Variants in ZDHHC16 observed in about 807,000 individuals in gnomAD.
The protein encoded by ZDHHC16 is palmitoyltransferase ZDHHC16.
ZDHHC16 carries 33 observed loss-of-function variants against 54.4 expected under a neutral mutation model. The observed-to-expected ratio is 0.61, with a 90% CI of 0.46 to 0.81. The LOEUF (loss-of-function observed/expected upper bound fraction) is 0.81, where lower values mean the gene tolerates loss of function less well. Ranked by LOEUF, ZDHHC16 falls within the 30% of genes least tolerant of loss-of-function variation. The probability of loss-of-function intolerance (pLI) is 0.00; values close to 1 mark genes in which losing one functional copy is unlikely to be tolerated. For missense variants in ZDHHC16, 420 were observed against 485.9 expected, an observed-to-expected ratio of 0.86 and a Z score of 1.28; for synonymous variants, 185 against 182.1, an observed-to-expected ratio of 1.02 and a Z score of -0.13.
Position 97,451,766 on chromosome 10 carries a change from C to G in ZDHHC16, c.91C>G (p.Leu31Val), listed in dbSNP as rs1248366028. The G allele has an allele frequency of 1.9e-6, 3 of 1,614,014 alleles. No individual in the cohort carries two copies. The highest frequency in any genetic ancestry group is 2.5e-6 in the Non-Finnish European group (3 of 1,180,050). ...GGGTTACAGGCGCCGCTGTCCACCTCTACTCCGGGGTCTAGTACAGCGCTG... is the reference window on the plus strand; with the variant it reads ...GGGTTACAGGCGCCGCTGTCCACCTGTACTCCGGGGTCTAGTACAGCGCTG... ...LLGYRRRCPP[L>V]LRGLVQRWRY... The change falls in exon 3 of 12, where the codon CTA becomes GTA. Residue 31 changes from leucine (L) to valine (V), a missense_variant. Coordinates refer to ENST00000393760, the MANE Select transcript of ZDHHC16 (RefSeq NM_198046.3).
chr10:97,452,193 G>A lies in ZDHHC16; in HGVS notation c.347G>A (p.Cys116Tyr), dbSNP rs1283809580. 3.1e-6 allele frequency: 5 copies of A among 1,613,986 alleles called. No individual in the cohort carries two copies. In the East Asian group the frequency reaches 8.9e-5, roughly 29 times the overall value. Residue 116 changes from cysteine (C) to tyrosine (Y), a missense_variant, in exon 4 of 12, where the codon TGC (cysteine) becomes TAC (tyrosine). By Grantham distance (194) the Cys-to-Tyr change is radical. Coordinates refer to ENST00000393760, the MANE Select transcript of ZDHHC16 (RefSeq NM_198046.3). Reference protein sequence around the residue: ...ILRTYSVPRLCWHFFYSHWNL... With the variant: ...ILRTYSVPRLYWHFFYSHWNL... ...CGAACCTACTCAGTGCCACGACTCT[G>A]CTGGCATTTCTTCTATAGCCACTGG...
chr10:97,452,498 C>T lies in ZDHHC16; in HGVS notation c.522C>T (p.Cys174=), dbSNP rs1846738630. The T allele has an allele frequency of 6.2e-7, 1 of 1,613,912 alleles. No homozygotes were observed. ...KPARTHHCSI[C]NRCVLKMDHH... is the part of the protein sequence containing the mutation. ...CCCGAACACACCACTGCAGCATCTG[C>T]AACAGGTGGGTCTTGGCTTTGCTCT... The change falls in exon 5 of 12, where the codon TGC becomes TGT. Residue 174 remains cysteine, a synonymous_variant. Transcript: ENST00000393760.
Position 97,451,748 on chromosome 10 carries a change from A to G in ZDHHC16, c.73A>G (p.Arg25Gly), listed in dbSNP as rs1442388678. Residue 25 changes from arginine (R) to glycine (G), a missense_variant, in exon 3 of 12, where the codon AGG becomes GGG. Physicochemically the swap from Arg to Gly is moderately radical, Grantham distance 125 (BLOSUM62 -2). Coordinates refer to ENST00000393760, the MANE Select transcript of ZDHHC16 (RefSeq NM_198046.3). ...CCGCCTCCTTCTGCTGCTGGGTTACAGGCGCCGCTGTCCACCTCTACTCCG... is the reference window on the plus strand; with the variant it reads ...CCGCCTCCTTCTGCTGCTGGGTTACGGGCGCCGCTGTCCACCTCTACTCCG... ...CLRLLLLLGY[R>G]RRCPPLLRGL... 1.2e-6 allele frequency: 2 copies of G among 1,613,860 alleles called. No homozygotes were observed. Among genetic ancestry groups the G allele is most frequent in the East Asian group, 2.2e-5 (1 of 44,878 alleles).
intron 11 of ZDHHC16, 58 bp downstream of exon 11, chr10:97,456,102 T>C: frequency 1.3e-6 from 2 of 1,575,498 alleles, no homozygotes; most frequent in African/African-American, 1.3e-5. Flanking sequence ...GAGAAAGATG[T>C]TCTATGCCTG....
intron 9 of ZDHHC16, among the ~76,000 whole-genome samples, chr10:97,455,230 C>T (rs1310427312): frequency 1.3e-5 from 2 of 152,194 alleles, no homozygotes; most frequent in Non-Finnish European, 2.9e-5. Context: ...TTTACTACTT[C>T]CCACTATCTC....
At chr10:97,453,492 TTG>T in intron 6 of ZDHHC16, 36 bp from the exon 7 acceptor site, 2 of 1,605,922 alleles carry the variant, frequency 1.2e-6, no homozygotes, top group South Asian at 1.1e-5. Flanking sequence ...CCGCCTGAAA[TTG>T]TGTTTGATTC....
At chr10:97,453,770 A>G in intron 7 of ZDHHC16, 29 bp from the exon 8 acceptor site, 1 of 1,614,216 alleles carries the variant, frequency 6.2e-7, no homozygotes, top group Non-Finnish European at 8.5e-7. Flanking sequence ...GCCTGAGAGT[A>G]TAACCAGCAC....
Position 97,453,540 on chromosome 10 carries a change from C to T in ZDHHC16, c.567C>T (p.Asn189=), listed in dbSNP as rs543646729. 20 of 1,614,104 alleles carry T rather than the reference C, an allele frequency of 1.2e-5. No individual in the cohort carries two copies. In the African/African-American group the frequency reaches 2.5e-4, roughly 20 times the overall value. ...LKMDHHCPWL[N]NCVGHYNHRY... Reference sequence around the variant, plus strand: ...TCATTTCCCAACCAGCCTGGCTAAACAATTGTGTGGGCCACTATAACCATC... The same window carrying T: ...TCATTTCCCAACCAGCCTGGCTAAATAATTGTGTGGGCCACTATAACCATC... Residue 189 remains asparagine (N), a synonymous_variant, in exon 7 of 12, where the codon AAC becomes AAT. Transcript: ENST00000393760.
chr10:97,450,692 G>A lies in ZDHHC16; in HGVS notation c.-6+156G>A, dbSNP rs1846530238. ...TGCATGAGGTAGAAACTGCATAGAGGAGATGGAGGCACTGGCAGAGGTGCC... is the reference window on the plus strand; with the variant it reads ...TGCATGAGGTAGAAACTGCATAGAGAAGATGGAGGCACTGGCAGAGGTGCC... On this transcript the variant is annotated intron_variant, in intron 2 of 11. Transcript: ENST00000393760. 2.0e-5 allele frequency: 3 copies of A among 152,382 alleles called. No homozygotes were observed. The South Asian group carries it at 6.2e-4, about 32-fold the overall frequency. 9.4% of individuals were successfully genotyped at this position (152,382 alleles called of 1,614,324 possible).
chr10:97,456,648 A>G (rs1256076108), intron 11 of ZDHHC16, 129 bp from the exon 12 acceptor site: 2 of 645,152 alleles, frequency 3.1e-6, no homozygotes, highest in Non-Finnish European at 5.1e-6. Flanking sequence ...CAGAAATTAG[A>G]ACTTTTGTTA....
chr10:97,446,625 T>C (rs528719949), intron 1 of ZDHHC16, among the ~76,000 whole-genome samples: 70 of 152,342 alleles, frequency 4.6e-4, no homozygotes, highest in Non-Finnish European at 7.5e-4. Flanking sequence ...ATCAAGATAG[T>C]TAAGATAGAG....
rs746593551 is a variant in ZDHHC16 at position 97,451,905 on chromosome 10, G to A, written c.230G>A (p.Arg77His). 16 of 1,611,466 alleles carry A rather than the reference G, an allele frequency of 9.9e-6. No homozygotes were observed. The East Asian group carries it at 1.6e-4, about 16-fold the overall frequency. The change falls in exon 3 of 12, where the codon CGC (arginine) becomes CAC (histidine). Residue 77 changes from arginine to histidine, a missense_variant. Physicochemically the swap from Arg to His is conservative, Grantham distance 29. Transcript: ENST00000393760. ...TACTGGCTGGTAGACAACGTGATCC[G>A]CTGGTTTGGAGTGGTGAGTGATGTC... ...PVYWLVDNVI[R>H]WFGVVFVVLV... is the part of the protein sequence containing the mutation.
In ZDHHC16 at chr10:97,451,857, T is replaced by C. The variant is rs556945975; in HGVS notation, c.182T>C (p.Val61Ala). 1.9e-6 allele frequency: 3 copies of C among 1,614,216 alleles called. No homozygotes were observed. Among genetic ancestry groups the C allele is most frequent in the East Asian group, 2.2e-5 (1 of 44,872 alleles). The change falls in exon 3 of 12, where the codon GTT (valine) becomes GCT (alanine). Residue 61 changes from valine to alanine, a missense_variant. Val to Ala is a moderately conservative substitution (Grantham distance 64). Coordinates refer to ENST00000393760, the MANE Select transcript of ZDHHC16 (RefSeq NM_198046.3). ...TCCTTTGGGGGCAGTGACACCGCTG[T>C]TGATGCTGCCTTTGAGCCTGTCTAC... is the stretch of plus-strand genomic sequence containing the variant. ...YNSFGGSDTAVDAAFEPVYWL... is the reference protein window; with the variant it reads ...YNSFGGSDTAADAAFEPVYWL...
intron 1 of ZDHHC16, among the ~76,000 whole-genome samples, chr10:97,448,858 G>C (rs913717318): frequency 1.3e-5 from 2 of 152,206 alleles, no homozygotes; most frequent in African/African-American, 2.4e-5. Context: ...ATACGTATAG[G>C]TTATATGCAA....
At chr10:97,449,297 A>C (rs560862493) in intron 1 of ZDHHC16, among the ~76,000 whole-genome samples, 1 of 151,756 alleles carries the variant, frequency 6.6e-6, no homozygotes, top group African/African-American at 2.4e-5. Flanking sequence ...CAAGGAGTGC[A>C]TTGGATTTGC....
In ZDHHC16 at chr10:97,451,800, G is replaced by A. The variant is rs1480717595; in HGVS notation, c.125G>A (p.Gly42Asp). 9 of 1,614,076 alleles carry A rather than the reference G, an allele frequency of 5.6e-6. No homozygotes were observed. In the East Asian group the frequency reaches 8.9e-5, roughly 16 times the overall value. ...LRGLVQRWRYGKVCLRSLLYN... is the reference protein window; with the variant it reads ...LRGLVQRWRYDKVCLRSLLYN... ...GGTCTAGTACAGCGCTGGCGCTACGGCAAGGTCTGCCTGCGCTCCCTGCTC... is the reference window on the plus strand; with the variant it reads ...GGTCTAGTACAGCGCTGGCGCTACGACAAGGTCTGCCTGCGCTCCCTGCTC... Residue 42 changes from glycine (G) to aspartate (D), a missense_variant, in exon 3 of 12, where the codon GGC becomes GAC. Transcript: ENST00000393760.
At chr10:97,454,460 CA>C (rs1846973329) in intron 8 of ZDHHC16, among the ~76,000 whole-genome samples, 1 of 152,154 alleles carries the variant, frequency 6.6e-6, no homozygotes, top group African/African-American at 2.4e-5. Flanking sequence ...TTTGTGTTGT[CA>C]CTCTACAGGC....
chr10:97,449,164 C>T (rs1256887568), intron 1 of ZDHHC16, among the ~76,000 whole-genome samples: 1 of 151,778 alleles, frequency 6.6e-6, no homozygotes, highest in Non-Finnish European at 1.5e-5. Flanking sequence ...GCAGACATTT[C>T]CTGCAGCGCT....
At chr10:97,451,590 A>G (rs1480516861) in intron 2 of ZDHHC16, 81 bp from the exon 3 acceptor site, 2 of 1,522,608 alleles carry the variant, frequency 1.3e-6, no homozygotes, top group African/African-American at 2.8e-5. Context: ...TTGCCCTCCA[A>G]GTGAGTACTC....
Sources: gnomAD v4.1 joint callset for allele counts (sites outside exome capture counted in the v4.1 genomes callset) on GRCh38, gnomAD v4.1.1 for gene constraint, MANE v1.5 for transcripts, NCBI Gene and HGNC (gene_info 2026-07-23, HGNC 2026-07-21) for gene names.